The following ITIH3 variants were observed in gnomAD, a reference collection of about 807,000 sequenced individuals.
ITIH3 encodes the protein inter-alpha-trypsin inhibitor heavy chain H3.
Under a neutral mutation model 96.5 loss-of-function variants are expected in ITIH3, and 81 were observed. The observed-to-expected ratio is 0.84, with a 90% CI of 0.70 to 1.01. The LOEUF is 1.01. Among genes scored for constraint, ITIH3 ranks in the 50% least tolerant of loss-of-function variants. The pLI is 0.00. For missense variants in ITIH3, 1,057 were observed against 1,139.3 expected, an observed-to-expected ratio of 0.93 and a Z score of 1.04; for synonymous variants, 422 against 445.2, an observed-to-expected ratio of 0.95 and a Z score of 0.66.
intron 9 of ITIH3, 181 bp from the exon 10 acceptor site, chr3:52,800,357 T>G: frequency 1.6e-6 from 1 of 634,508 alleles, no homozygotes; most frequent in South Asian, 2.0e-5. Flanking sequence ...AAGTGGAAGT[T>G]GTTTGTTTGT....
chr3:52,803,044 C>T (rs549374919), intron 13 of ITIH3, among the ~76,000 whole-genome samples: 1 of 152,354 alleles, frequency 6.6e-6, no homozygotes, highest in South Asian at 2.1e-4. Context: ...GGGACTTCAG[C>T]ACCCTGCTGC....
chr3:52,794,976 G>A lies in ITIH3; in HGVS notation c.93+80G>A, dbSNP rs1699521083. The A allele has an allele frequency of 3.6e-6, 4 of 1,113,142 alleles. No homozygotes were observed. In the Admixed American group the frequency reaches 5.1e-5, roughly 14 times the overall value. The allele number at this position is 1,113,142 out of a possible 1,614,324, so 69.0% of individuals were successfully genotyped here. On this transcript the variant is annotated intron_variant, in intron 1 of 21. Transcript: ENST00000449956. ...ATCATGCTGGGCAAGGCCTCTGAGT[G>A]GAGTGAAGAGGAGGCAGAGGGCTGG...
At chr3:52,806,437 G>A (rs781195987) in intron 18 of ITIH3, 31 bp downstream of exon 18, 69 of 1,566,260 alleles carry the variant, frequency 4.4e-5, no homozygotes, top group Non-Finnish European at 5.6e-5. Flanking sequence ...CCGGGGCCAG[G>A]GGGCTCTTCC....
rs190544531 is a variant in ITIH3 at position 52,803,973 on chromosome 3, G to A, written c.1828G>A (p.Glu610Lys). Residue 610 changes from glutamate (E) to lysine (K), a missense_variant, in exon 14 of 22, where the codon GAG becomes AAG. Transcript: ENST00000449956. ...SMVVTKPEDN[E>K]DERAIADKPG... ...GGTGGTGACCAAGCCTGAGGACAAC[G>A]AGGATGAGAGGGCCATTGCCGACAA... 5.7e-4 allele frequency: 919 copies of A among 1,613,714 alleles called. 1 individual carries two copies. Among genetic ancestry groups the A allele is most frequent in the African/African-American group, 2.6e-3 (192 of 75,062 alleles).
At position 52,801,141 on chromosome 3, in the gene ITIH3, T is replaced by C. The variant is rs771398687; in HGVS notation, c.1378T>C (p.Leu460=). 6.4e-7 allele frequency: 1 copy of C among 1,573,214 alleles called. No homozygotes were observed. Among genetic ancestry groups the C allele is most frequent in the African/African-American group, 1.4e-5 (1 of 73,994 alleles). Reference sequence around the variant, plus strand: ...TGAGGACTCTGATGCCGATTTGCAGTTGCAGGTATGCCTTGTCTTGCACAC... The same window carrying C: ...TGAGGACTCTGATGCCGATTTGCAGCTGCAGGTATGCCTTGTCTTGCACAC... The part of the protein sequence containing the change: ...IYEDSDADLQ[L]QGFYEEVANP... Residue 460 remains leucine, a synonymous_variant, in exon 11 of 22, where the codon TTG becomes CTG. Transcript: ENST00000449956.
In ITIH3 at chr3:52,808,621, C is replaced by G; in HGVS notation, c.2613C>G (p.Asn871Lys). The change falls in exon 22 of 22, where the codon AAC becomes AAG. Residue 871 changes from asparagine to lysine, a missense_variant. Physicochemically the swap from Asn to Lys is moderately conservative, Grantham distance 94 (BLOSUM62 0). Coordinates refer to ENST00000449956, the MANE Select transcript of ITIH3 (RefSeq NM_002217.4). ...GTKVVCWFVHNNGEGLIDGVH... is the reference protein window; with the variant it reads ...GTKVVCWFVHKNGEGLIDGVH... Reference sequence around the variant, plus strand: ...AGGTTGTCTGCTGGTTCGTCCACAACAACGGAGAAGGGCTGATTGATGGTG... The same window carrying G: ...AGGTTGTCTGCTGGTTCGTCCACAAGAACGGAGAAGGGCTGATTGATGGTG... 2.5e-6 allele frequency: 4 copies of G among 1,614,024 alleles called. No homozygotes were observed. Among genetic ancestry groups the G allele is most frequent in the Non-Finnish European group, 3.4e-6 (4 of 1,179,874 alleles).
Position 52,802,786 on chromosome 3 carries a change from T to C in ITIH3, c.1689T>C (p.Ile563=), listed in dbSNP as rs765822167. The change falls in exon 13 of 22, where the codon ATT becomes ATC. Residue 563 remains isoleucine (I), a synonymous_variant. Transcript: ENST00000449956. ...AGCGGCTCTGGGCCTACCTCACCAT[T>C]GAGCAGCTGCTGGAGAAGCGGTGAG... ...YIERLWAYLT[I]EQLLEKRKNA... is the part of the protein sequence containing the mutation. 29 of 1,613,960 alleles carry C rather than the reference T, an allele frequency of 1.8e-5. No homozygotes were observed. The highest frequency in any genetic ancestry group is 2.4e-5 in the Non-Finnish European group (28 of 1,179,862).
intron 16 of ITIH3, 112 bp from the exon 17 acceptor site, chr3:52,805,991 T>C: frequency 6.7e-7 from 1 of 1,494,398 alleles, no homozygotes; most frequent in South Asian, 1.2e-5. Flanking sequence ...GGCAATGGCA[T>C]TAGCGAGCGG....
At position 52,799,482 on chromosome 3, in the gene ITIH3, A is replaced by G; in HGVS notation, c.900A>G (p.Leu300=). The G allele has an allele frequency of 6.2e-7, 1 of 1,606,266 alleles. No homozygotes were observed. Among genetic ancestry groups the G allele is most frequent in the Non-Finnish European group, 8.5e-7 (1 of 1,176,614 alleles). ...GCGGCTCCATGGCTGGTCGGAAATTAGAGCAGGTAATCAGCACCAGTGGCA... is the reference window on the plus strand; with the variant it reads ...GCGGCTCCATGGCTGGTCGGAAATTGGAGCAGGTAATCAGCACCAGTGGCA... ...DISGSMAGRK[L]EQTKEALLRI... The change falls in exon 8 of 22, where the codon TTA becomes TTG. Residue 300 remains leucine (L), a synonymous_variant. Transcript: ENST00000449956.
At chr3:52,804,387 C>A in intron 14 of ITIH3, 1 of 432,726 alleles carries the variant, frequency 2.3e-6, no homozygotes, top group Non-Finnish European at 4.2e-6. Context: ...GGGGAAGAGT[C>A]CCTGAGAGCT....
At chr3:52,807,639 G>A (rs1700103382) in intron 19 of ITIH3, 108 bp from the exon 20 acceptor site, 9 of 987,402 alleles carry the variant, frequency 9.1e-6, no homozygotes, top group Non-Finnish European at 1.3e-5. Context: ...GAGTCTGTGG[G>A]CCCTCGGGTG....
chr3:52,805,074 A>C, intron 15 of ITIH3: 2 of 278,096 alleles, frequency 7.2e-6, no homozygotes, highest in Non-Finnish European at 1.4e-5. Flanking sequence ...CCATTTTACA[A>C]TGGGGAAATT....
intron 2 of ITIH3, 56 bp from the exon 3 acceptor site, chr3:52,796,425 C>A: frequency 6.5e-7 from 1 of 1,548,454 alleles, no homozygotes. Context: ...GGCTGGGTTG[C>A]AAACCTGCTT....
At chr3:52,799,612 G>A in intron 8 of ITIH3, 124 bp downstream of exon 8, 2 of 1,085,864 alleles carry the variant, frequency 1.8e-6, no homozygotes, top group Non-Finnish European at 1.3e-6. Context: ...ATAAGAGAAG[G>A]CTCACGGCCT....
At chr3:52,795,544 C>A in intron 1 of ITIH3, 59 bp from the exon 2 acceptor site, 2 of 1,561,176 alleles carry the variant, frequency 1.3e-6, no homozygotes, top group Non-Finnish European at 1.7e-6. Flanking sequence ...CCAGGCCATG[C>A]GGCCTTGGTG....
At chr3:52,808,477 T>C (rs1408048629) in intron 21 of ITIH3, 75 bp from the exon 22 acceptor site, 1 of 1,577,132 alleles carries the variant, frequency 6.3e-7, no homozygotes, top group African/African-American at 1.3e-5. Context: ...CCCACCCTTT[T>C]TCAATCTCAG....
chr3:52,794,833 C>T lies in ITIH3; in HGVS notation c.30C>T (p.Ile10=), dbSNP rs770875847. Residue 10 remains isoleucine (I), a synonymous_variant, in exon 1 of 22, where the codon ATC becomes ATT. Transcript: ENST00000449956. MAFAWWPCL[I]LALLSSLAAS... ...CATTTGCATGGTGGCCCTGTCTCATCTTGGCTCTGCTCTCCAGCTTGGCAG... is the reference window on the plus strand; with the variant it reads ...CATTTGCATGGTGGCCCTGTCTCATTTTGGCTCTGCTCTCCAGCTTGGCAG... 1 of 1,614,022 alleles carries T rather than the reference C, an allele frequency of 6.2e-7. No homozygotes were observed. Among genetic ancestry groups the T allele is most frequent in the Non-Finnish European group, 8.5e-7 (1 of 1,179,886 alleles).
chr3:52,806,429 G>C (rs368064940), intron 18 of ITIH3, 23 bp downstream of exon 18: 1 of 1,569,670 alleles, frequency 6.4e-7, no homozygotes, highest in South Asian at 1.1e-5. Context: ...GGCTAGGGCC[G>C]GGGCCAGGGG....
At chr3:52,798,201 T>C (rs1699670026) in intron 6 of ITIH3, among the ~76,000 whole-genome samples, 1 of 152,190 alleles carries the variant, frequency 6.6e-6, no homozygotes, top group Admixed American at 6.5e-5. Flanking sequence ...GCAGGGCTTA[T>C]CTTCCCTGTT....
Sources: gnomAD v4.1 joint callset for allele counts (sites outside exome capture counted in the v4.1 genomes callset) on GRCh38, gnomAD v4.1.1 for gene constraint, MANE v1.5 for transcripts, NCBI Gene and HGNC (gene_info 2026-07-23, HGNC 2026-07-21) for gene names.